The following FBXL2 variants were observed in gnomAD, a reference collection of about 807,000 sequenced individuals.
The protein encoded by FBXL2 is F-box/LRR-repeat protein 2.
A neutral mutation model predicts 69.2 loss-of-function variants in FBXL2; 38 were observed. That is an observed-to-expected ratio of 0.55 (90% CI 0.42 to 0.72). The LOEUF (loss-of-function observed/expected upper bound fraction) is 0.72. Ranked by LOEUF, FBXL2 falls within the 30% of genes least tolerant of loss-of-function variation. FBXL2 has a pLI of 0.00. For missense variants in FBXL2, 354 were observed against 520.3 expected (o/e 0.68, Z 3.11); for synonymous variants, 192 against 201.3 (o/e 0.95, Z 0.39).
At chr3:33,290,538 G>A (rs899369867) in intron 1 of FBXL2, among the ~76,000 whole-genome samples, 4 of 152,270 alleles carry the variant, frequency 2.6e-5, no homozygotes, top group Admixed American at 2.0e-4. Flanking sequence ...AAGTGTGAAA[G>A]ATAAAGATGT....
At chr3:33,369,273 A>G (rs904006888) in intron 5 of FBXL2, among the ~76,000 whole-genome samples, 6 of 151,322 alleles carry the variant, frequency 4.0e-5, no homozygotes, top group Non-Finnish European at 8.8e-5. Flanking sequence ...GCTGGTCTTG[A>G]ACTCCAGACC....
intron 1 of FBXL2, among the ~76,000 whole-genome samples, chr3:33,282,561 T>G (rs1323723322): frequency 6.6e-6 from 1 of 152,168 alleles, no homozygotes; most frequent in Non-Finnish European, 1.5e-5. Flanking sequence ...AACTTTAAAG[T>G]AGTTTTTTCC....
chr3:33,311,197 CTCTT>C (rs746905532), intron 2 of FBXL2, among the ~76,000 whole-genome samples: 203 of 152,258 alleles, frequency 1.3e-3, no homozygotes, highest in Admixed American at 1.6e-3. Flanking sequence ...TCACAATCCT[CTCTT>C]TCTTTAATTT....
intron 2 of FBXL2, among the ~76,000 whole-genome samples, chr3:33,355,877 T>A (rs1404465226): frequency 6.6e-6 from 1 of 152,224 alleles, no homozygotes; most frequent in African/African-American, 2.4e-5. Flanking sequence ...GCATTACTTT[T>A]ACTCGTCGAA....
In FBXL2 at chr3:33,373,081, T is replaced by C; in HGVS notation, c.291-11T>C. On this transcript the variant is annotated splice_polypyrimidine_tract_variant and intron_variant, in intron 5 of 14. Transcript: ENST00000484457. The stretch of plus-strand genomic sequence containing the variant: ...ACTTGCAGGGAGCTTTAAAATGTTT[T>C]CTCATTTTAGGACCTTTGCACAGAA... 1.2e-6 allele frequency: 2 copies of C among 1,613,158 alleles called. No individual in the cohort carries two copies. The highest frequency in any genetic ancestry group is 1.7e-6 in the Non-Finnish European group (2 of 1,179,028).
At chr3:33,302,326 G>A (rs1025462260) in intron 2 of FBXL2, among the ~76,000 whole-genome samples, 2 of 152,020 alleles carry the variant, frequency 1.3e-5, no homozygotes, top group Non-Finnish European at 2.9e-5. Flanking sequence ...GCAAATGTGT[G>A]GTGGTGTGAC....
At chr3:33,407,549 A>T (rs1422099139), downstream of FBXL2, among the ~76,000 whole-genome samples, 21 of 105,432 alleles carry the variant, frequency 2.0e-4, no homozygotes, top group East Asian at 3.1e-3. Context: ...AATTTATTTA[A>T]AAAAAAAAAA....
chr3:33,337,358 A>C (rs575154999), intron 2 of FBXL2, among the ~76,000 whole-genome samples: 1 of 152,168 alleles, frequency 6.6e-6, no homozygotes, highest in Non-Finnish European at 1.5e-5. Flanking sequence ...CTTCACAAAA[A>C]CCCCCAAAAT....
intron 5 of FBXL2, 123 bp downstream of exon 5, chr3:33,364,842 T>A: frequency 1.1e-6 from 1 of 875,046 alleles, no homozygotes; most frequent in Non-Finnish European, 1.9e-6. Context: ...TTGCATAGAG[T>A]AATGAGAGGA....
intron 2 of FBXL2, among the ~76,000 whole-genome samples, chr3:33,305,464 A>G (rs2036630686): frequency 1.3e-5 from 2 of 151,918 alleles, no homozygotes; most frequent in Non-Finnish European, 1.5e-5. Flanking sequence ...TGTCAATACT[A>G]CATATTTGGT....
Position 33,364,694 on chromosome 3 carries a change from A to T in FBXL2, c.265A>T (p.Ile89Phe), listed in dbSNP as rs748704438. The change falls in exon 5 of 15, where the codon ATT (isoleucine) becomes TTT (phenylalanine). Residue 89 changes from isoleucine (I) to phenylalanine (F), a missense_variant. Ile to Phe is a conservative substitution (Grantham distance 21). Coordinates refer to ENST00000484457, the MANE Select transcript of FBXL2 (RefSeq NM_012157.5). ...FLRKLSLRGCIGVGDSSLKTF... is the reference protein window; with the variant it reads ...FLRKLSLRGCFGVGDSSLKTF... ...GAGGAAGCTCAGCTTGCGAGGCTGC[A>T]TTGGTGTTGGGGATTCCTCCTTGAA... 6.2e-7 allele frequency: 1 copy of T among 1,614,170 alleles called. No individual in the cohort carries two copies. Among genetic ancestry groups the T allele is most frequent in the Admixed American group, 1.7e-5 (1 of 60,012 alleles).
chr3:33,336,776 G>A (rs2039613248), intron 2 of FBXL2, among the ~76,000 whole-genome samples: 1 of 152,076 alleles, frequency 6.6e-6, no homozygotes, highest in Non-Finnish European at 1.5e-5. Flanking sequence ...GTGGTGGCGT[G>A]CACTTGTAGT....
At chr3:33,402,307 T>C (rs1388309345) in intron 12 of FBXL2, among the ~76,000 whole-genome samples, 3 of 152,162 alleles carry the variant, frequency 2.0e-5, no homozygotes, top group African/African-American at 7.2e-5. Flanking sequence ...GAGTCCACCA[T>C]TTCCATTTCT....
At chr3:33,281,235 C>T (rs994827511) in intron 1 of FBXL2, among the ~76,000 whole-genome samples, 1 of 152,034 alleles carries the variant, frequency 6.6e-6, no homozygotes, top group African/African-American at 2.4e-5. Context: ...TGATGTTCCC[C>T]ACCCTGTGTC....
intron 1 of FBXL2, chr3:33,278,497 C>G (rs1242620365): frequency 6.6e-6 from 1 of 152,218 alleles, no homozygotes; most frequent in Non-Finnish European, 1.5e-5. Context: ...AGTGGAAGTG[C>G]TGATGAGCTG....
chr3:33,370,470 T>G (rs2042226111), intron 5 of FBXL2, among the ~76,000 whole-genome samples: 1 of 152,178 alleles, frequency 6.6e-6, no homozygotes, highest in Admixed American at 6.5e-5. Flanking sequence ...TATTTTTTGT[T>G]TTTTGTATTT....
intron 2 of FBXL2, among the ~76,000 whole-genome samples, chr3:33,349,380 A>C (rs1046370280): frequency 6.6e-6 from 1 of 152,118 alleles, no homozygotes; most frequent in African/African-American, 2.4e-5. Flanking sequence ...TTTGTCCTTC[A>C]TTCTGTTGAT....
intron 2 of FBXL2, among the ~76,000 whole-genome samples, chr3:33,322,006 A>C (rs1451761446): frequency 2.0e-5 from 3 of 150,060 alleles, no homozygotes; most frequent in Non-Finnish European, 4.4e-5. Context: ...TGTGACCTGA[A>C]TTGCCACTTT....
chr3:33,390,594 C>T (rs539677130), downstream of FBXL2: 19 of 581,662 alleles, frequency 3.3e-5, no homozygotes, highest in Middle Eastern at 3.2e-4. Flanking sequence ...CCACTATCAA[C>T]GCCCGCATTC....
Sources: allele counts gnomAD v4.1 joint callset (sites outside exome capture counted in the v4.1 genomes callset), GRCh38; gene constraint gnomAD v4.1.1; transcripts MANE v1.5; gene names NCBI Gene and HGNC (gene_info 2026-07-23, HGNC 2026-07-21).